Variants in INPP5B observed in about 807,000 individuals in gnomAD.
INPP5B encodes the protein type II inositol 1,4,5-trisphosphate 5-phosphatase.
Under a neutral mutation model 118.5 loss-of-function variants are expected in INPP5B, and 90 were observed. The ratio of observed to expected loss-of-function variants is 0.76; its 90% confidence interval spans 0.64 to 0.90. The LOEUF (loss-of-function observed/expected upper bound fraction) is 0.90, where lower values mean the gene tolerates loss of function less well. Ranked by LOEUF, INPP5B falls within the 40% of genes least tolerant of loss-of-function variation. The pLI is 0.00. For synonymous variants in INPP5B, 385 were observed against 418.9 expected (o/e 0.92, Z 0.99); for missense variants, 984 against 1,125.6 (o/e 0.87, Z 1.80).
At chr1:37,924,883 T>TA (rs1307077839) in intron 7 of INPP5B, among the ~76,000 whole-genome samples, 4 of 150,872 alleles carry the variant, frequency 2.7e-5, no homozygotes, top group African/African-American at 4.9e-5. Context: ...ACTAAAAATA[T>TA]AAAAATTAGT....
chr1:37,942,893 A>G (rs1479670782), intron 5 of INPP5B, among the ~76,000 whole-genome samples: 5 of 139,060 alleles, frequency 3.6e-5, no homozygotes, highest in Admixed American at 2.8e-4. Context: ...TGGGTGACAG[A>G]GTGAGATTCT....
chr1:37,864,440 C>T lies in INPP5B; in HGVS notation c.2515-17G>A, dbSNP rs909343984. ...AGAAATGACCTGAAAGAGGAAGAAC[C>T]GGGATTTGTCTTTTGTTCACTGAAT... On this transcript the variant is annotated splice_polypyrimidine_tract_variant and intron_variant, in intron 22 of 23. Transcript: ENST00000373024. The T allele has an allele frequency of 1.2e-5, 18 of 1,441,766 alleles. No homozygotes were observed. The highest frequency in any genetic ancestry group is 3.4e-5 in the Admixed American group (2 of 59,076). The allele number at this position is 1,441,766 out of a possible 1,614,324, so 89.3% of individuals were successfully genotyped here. A position where few individuals can be genotyped will look rare whatever the true frequency, so the allele number is the denominator to read the frequency against.
rs569558749 is a variant in INPP5B at position 37,863,795 on chromosome 1, G to A, written c.2626+517C>T. Among the ~76,000 whole-genome samples, 6 of 149,076 alleles carry A rather than the reference G, an allele frequency of 4.0e-5. No individual in the cohort carries two copies. In the South Asian group the frequency reaches 1.3e-3, roughly 32 times the overall value. ...TATGTGGTCTTTCGTTGACCAAGAT[G>A]TTATATGGTACATGACTATACTTTT... On this transcript the variant is annotated intron_variant, in intron 23 of 23. Transcript: ENST00000373024.
At chr1:37,875,770 T>G (rs1279756645) in intron 16 of INPP5B, 54 bp from the exon 17 acceptor site, 3 of 1,324,922 alleles carry the variant, frequency 2.3e-6, no homozygotes, top group Non-Finnish European at 3.3e-6. Flanking sequence ...ATTTCCTCTT[T>G]CTCAGTATAG....
intron 20 of INPP5B, 57 bp downstream of exon 20, chr1:37,868,444 G>C: frequency 1.7e-6 from 2 of 1,143,324 alleles, no homozygotes; most frequent in East Asian, 4.7e-5. Flanking sequence ...TCTTGGGGCT[G>C]ATGGTCCTCA....
chr1:37,883,282 G>T, intron 13 of INPP5B: 1 of 985,424 alleles, frequency 1.0e-6, no homozygotes, highest in Non-Finnish European at 1.2e-6. Flanking sequence ...TCCCAAATCA[G>T]ATGATGCCAC....
intron 7 of INPP5B, among the ~76,000 whole-genome samples, chr1:37,911,007 T>C (rs1230648885): frequency 6.6e-6 from 1 of 152,136 alleles, no homozygotes; most frequent in Non-Finnish European, 1.5e-5. Flanking sequence ...CATCCCAACC[T>C]TTTTCATTAC....
At chr1:37,881,584 A>G (rs536646452) in intron 14 of INPP5B, among the ~76,000 whole-genome samples, 2 of 152,346 alleles carry the variant, frequency 1.3e-5, no homozygotes, top group African/African-American at 2.4e-5. Flanking sequence ...TATGAATGTA[A>G]GCTGACCCTT....
rs34018622 is a variant in INPP5B, at chr1:37,900,073, A to ATT, written c.533-8621_533-8620dup. Among the ~76,000 whole-genome samples the ATT allele has an allele frequency of 3.7e-3, 427 of 114,584 alleles. 3 individuals carry two copies. Among genetic ancestry groups the ATT allele is most frequent in the African/African-American group, 8.8e-3 (244 of 27,880 alleles). 75.2% of individuals were successfully genotyped at this position (114,584 alleles called of 152,430 possible). A position where few individuals can be genotyped will look rare whatever the true frequency, so the allele number is the denominator to read the frequency against. ...CCACAGATCTCCATGTTTACCTTGA[A>ATT]TTTTTTTTTTTTTTTTTTTTTTGAG... On this transcript the variant is annotated intron_variant, in intron 7 of 23. Coordinates refer to ENST00000373024, the MANE Select transcript of INPP5B (RefSeq NM_005540.3).
chr1:37,897,390 G>A (rs1014297749), intron 7 of INPP5B, among the ~76,000 whole-genome samples: 5 of 151,348 alleles, frequency 3.3e-5, no homozygotes, highest in African/African-American at 1.2e-4. Context: ...TCTGTACTAA[G>A]AAAAATTCTT....
intron 7 of INPP5B, among the ~76,000 whole-genome samples, chr1:37,894,805 G>A (rs1193001404): frequency 6.6e-6 from 1 of 152,110 alleles, no homozygotes; most frequent in Non-Finnish European, 1.5e-5. Context: ...AGGTCTCCCA[G>A]TGCTGGGATT....
At chr1:37,892,756 A>G (rs1394980858) in intron 7 of INPP5B, among the ~76,000 whole-genome samples, 2 of 152,216 alleles carry the variant, frequency 1.3e-5, no homozygotes, top group African/African-American at 2.4e-5. Flanking sequence ...GCCCAAAGTC[A>G]TATGTTGAAA....
At chr1:37,943,562 T>TA in intron 5 of INPP5B, 78 bp downstream of exon 5, 1 of 1,511,006 alleles carries the variant, frequency 6.6e-7, no homozygotes, top group Non-Finnish European at 9.1e-7. Flanking sequence ...GGGGTGCTCT[T>TA]ACTTTACACC....
At chr1:37,898,750 A>G (rs1270592788) in intron 7 of INPP5B, among the ~76,000 whole-genome samples, 1 of 152,114 alleles carries the variant, frequency 6.6e-6, no homozygotes, top group African/African-American at 2.4e-5. Flanking sequence ...ATCATTTAGG[A>G]CGTCAGGAGA....
chr1:37,938,319 T>G (rs1043054151), intron 6 of INPP5B, among the ~76,000 whole-genome samples: 2 of 148,296 alleles, frequency 1.3e-5, no homozygotes, highest in Non-Finnish European at 3.0e-5. Context: ...AACATTAAAT[T>G]TAAAAAATTT....
intron 14 of INPP5B, among the ~76,000 whole-genome samples, chr1:37,880,894 T>C (rs1643160500): frequency 6.6e-6 from 1 of 152,196 alleles, no homozygotes; most frequent in African/African-American, 2.4e-5. Flanking sequence ...CAGCTATATT[T>C]AAAAATCTTT....
At chr1:37,942,507 A>T (rs958262191) in intron 5 of INPP5B, among the ~76,000 whole-genome samples, 1 of 151,792 alleles carries the variant, frequency 6.6e-6, no homozygotes, top group Non-Finnish European at 1.5e-5. Context: ...ATAATCATTA[A>T]CTCATTATTT....
intron 13 of INPP5B, chr1:37,883,416 G>A: frequency 4.1e-6 from 4 of 985,408 alleles, no homozygotes; most frequent in Non-Finnish European, 2.4e-6. Flanking sequence ...TTAACCAGCA[G>A]TATATCATTG....
chr1:37,872,898 T>G, intron 19 of INPP5B, 32 bp downstream of exon 19: 1 of 1,509,062 alleles, frequency 6.6e-7, no homozygotes, highest in Non-Finnish European at 9.2e-7. Context: ...TGCTACAAAG[T>G]TCTAGATGTT....
Sources: gnomAD v4.1 joint callset for allele counts (sites outside exome capture counted in the v4.1 genomes callset) on GRCh38, gnomAD v4.1.1 for gene constraint, MANE v1.5 for transcripts, NCBI Gene and HGNC (gene_info 2026-07-23, HGNC 2026-07-21) for gene names.